Variants in GABBR2 observed in about 807,000 individuals in gnomAD.
The protein encoded by GABBR2 is gamma-aminobutyric acid type B receptor subunit 2, also known as G-protein coupled receptor 51.
GABBR2 carries 23 observed loss-of-function variants against 105.6 expected under a neutral mutation model. The ratio of observed to expected loss-of-function variants is 0.22; its 90% CI spans 0.16 to 0.31. The LOEUF is 0.31. GABBR2 is among the 10% of genes least tolerant of loss of function. GABBR2 has a pLI of 1.00. For synonymous variants in GABBR2, 478 were observed against 499.7 expected, an observed-to-expected ratio of 0.96 and a Z score of 0.58; for missense variants, 734 against 1,245.5, an observed-to-expected ratio of 0.59 and a Z score of 6.18.
chr9:98,344,807 A>G (rs968021293), intron 13 of GABBR2, among the ~76,000 whole-genome samples: 1 of 152,024 alleles, frequency 6.6e-6, no homozygotes. Flanking sequence ...ACTCACTCTC[A>G]TGACTCTATC....
chr9:98,417,016 C>A (rs10986167), intron 7 of GABBR2, among the ~76,000 whole-genome samples: 1 of 151,976 alleles, frequency 6.6e-6, no homozygotes, highest in Non-Finnish European at 1.5e-5. Context: ...TCTTTGGCAA[C>A]GGCAATGCTC....
chr9:98,353,227 T>A (rs1296868565), intron 13 of GABBR2, among the ~76,000 whole-genome samples: 1 of 152,204 alleles, frequency 6.6e-6, no homozygotes, highest in African/African-American at 2.4e-5. Context: ...CTCTCTTAGA[T>A]GCTGTATTTG....
intron 2 of GABBR2, among the ~76,000 whole-genome samples, chr9:98,565,855 T>G (rs549212316): frequency 6.6e-6 from 1 of 152,300 alleles, no homozygotes; most frequent in South Asian, 2.1e-4. Context: ...GTATGTTGGC[T>G]CTCTGGCCCT....
chr9:98,301,011 C>G (rs920161630), intron 16 of GABBR2, among the ~76,000 whole-genome samples: 3 of 152,140 alleles, frequency 2.0e-5, no homozygotes, highest in Non-Finnish European at 4.4e-5. Context: ...AGCATGGGGC[C>G]CAGGGAGGCA....
intron 13 of GABBR2, among the ~76,000 whole-genome samples, chr9:98,316,529 A>G (rs1830721714): frequency 6.6e-6 from 1 of 152,210 alleles, no homozygotes. Flanking sequence ...TCATTCATAC[A>G]GTGAATAACT....
chr9:98,302,435 G>A (rs2131348748), intron 16 of GABBR2, among the ~76,000 whole-genome samples: 1 of 152,358 alleles, frequency 6.6e-6, no homozygotes, highest in South Asian at 2.1e-4. Context: ...TTGGGGAGCA[G>A]AGCTGCCCCA....
intron 7 of GABBR2, among the ~76,000 whole-genome samples, chr9:98,453,623 T>G (rs1178987017): frequency 6.6e-6 from 1 of 152,232 alleles, no homozygotes; most frequent in Non-Finnish European, 1.5e-5. Context: ...TTTAGCAGCT[T>G]GAAGCCAGGT....
At chr9:98,619,562 A>G (rs1231277969) in intron 1 of GABBR2, among the ~76,000 whole-genome samples, 1 of 152,204 alleles carries the variant, frequency 6.6e-6, no homozygotes, top group Non-Finnish European at 1.5e-5. Context: ...ATTTTTCAAT[A>G]TTGATTTTTG....
chr9:98,456,326 C>T (rs1826325884), intron 6 of GABBR2, among the ~76,000 whole-genome samples: 1 of 152,220 alleles, frequency 6.6e-6, no homozygotes, highest in East Asian at 1.9e-4. Flanking sequence ...TAATTCTCAG[C>T]ATTCAAATGT....
rs189220683 is a variant in GABBR2, at chr9:98,417,153, T to A, written c.1237-11012A>T. On this transcript the variant is annotated intron_variant, in intron 7 of 18. Transcript: ENST00000259455. Reference sequence around the variant, plus strand: ...AAGCAGCAGGATGCAGGACTATTGGTTACGTTGCACTGAGTTGAGTTGAGT... The same window carrying A: ...AAGCAGCAGGATGCAGGACTATTGGATACGTTGCACTGAGTTGAGTTGAGT... Among the ~76,000 whole-genome samples, 212 of 152,316 alleles carry A rather than the reference T, an allele frequency of 1.4e-3. 2 individuals carry two copies. The highest frequency in any genetic ancestry group is 8.1e-4 in the Non-Finnish European group (55 of 68,034).
chr9:98,493,027 C>A (rs1220846656), intron 4 of GABBR2, among the ~76,000 whole-genome samples: 1 of 152,144 alleles, frequency 6.6e-6, no homozygotes, highest in African/African-American at 2.4e-5. Context: ...ATTTTGAATT[C>A]TTCTGTGTAG....
At chr9:98,338,500 G>T (rs892007766) in intron 13 of GABBR2, among the ~76,000 whole-genome samples, 2 of 152,062 alleles carry the variant, frequency 1.3e-5, no homozygotes, top group Admixed American at 6.5e-5. Flanking sequence ...ATACATAAAT[G>T]GCCAATAAGC....
chr9:98,358,414 G>C (rs565202127), intron 13 of GABBR2, among the ~76,000 whole-genome samples: 21 of 152,194 alleles, frequency 1.4e-4, no homozygotes, highest in Admixed American at 6.5e-5. Context: ...CTGCCTGAGT[G>C]CTCCCATACC....
At chr9:98,589,924 A>C (rs1829124293) in intron 1 of GABBR2, among the ~76,000 whole-genome samples, 1 of 152,108 alleles carries the variant, frequency 6.6e-6, no homozygotes, top group South Asian at 2.1e-4. Context: ...TGTGTTGCCT[A>C]AACTGGTCTT....
chr9:98,563,873 T>C (rs1008128374), intron 2 of GABBR2, among the ~76,000 whole-genome samples: 1 of 152,190 alleles, frequency 6.6e-6, no homozygotes, highest in Non-Finnish European at 1.5e-5. Flanking sequence ...TCACAACTAA[T>C]GTAGACTATG....
At chr9:98,631,366 A>G (rs1423031265) in intron 1 of GABBR2, among the ~76,000 whole-genome samples, 1 of 152,220 alleles carries the variant, frequency 6.6e-6, no homozygotes, top group East Asian at 1.9e-4. Context: ...AAAACTTTCT[A>G]TCTTATTTGC....
At chr9:98,364,307 G>C (rs1199809475) in intron 12 of GABBR2, among the ~76,000 whole-genome samples, 1 of 152,224 alleles carries the variant, frequency 6.6e-6, no homozygotes, top group Admixed American at 6.5e-5. Context: ...TAGGGGATGG[G>C]TTGGAAGGAG....
intron 1 of GABBR2, among the ~76,000 whole-genome samples, chr9:98,597,782 AG>A (rs1829259591): frequency 6.6e-6 from 1 of 152,196 alleles, no homozygotes; most frequent in South Asian, 2.1e-4. Context: ...AGAGCAGGGA[AG>A]AGAGTATTCA....
intron 11 of GABBR2, among the ~76,000 whole-genome samples, chr9:98,376,774 C>T (rs764469837): frequency 2.0e-5 from 3 of 152,164 alleles, no homozygotes; most frequent in African/African-American, 2.4e-5. Context: ...TACAGCAGAG[C>T]CTTTCTGGGG....
Sources: gnomAD v4.1 joint callset for allele counts (sites outside exome capture counted in the v4.1 genomes callset) on GRCh38, gnomAD v4.1.1 for gene constraint, MANE v1.5 for transcripts, NCBI Gene and HGNC (gene_info 2026-07-23, HGNC 2026-07-21) for gene names.